The following MTHFD2L variants were observed in gnomAD, a reference collection of about 807,000 sequenced individuals.
The protein encoded by MTHFD2L is bifunctional methylenetetrahydrofolate dehydrogenase/cyclohydrolase 2, mitochondrial.
MTHFD2L carries 29 observed loss-of-function variants against 34.9 expected under a neutral mutation model. That is an observed-to-expected ratio of 0.83 (90% confidence interval 0.62 to 1.13). MTHFD2L has a LOEUF of 1.13. Ranked by LOEUF, MTHFD2L falls within the 50% of genes most tolerant of loss-of-function variation. The pLI is 0.00. For synonymous variants in MTHFD2L, 167 were observed against 155.7 expected (o/e 1.07, Z -0.54); for missense variants, 481 against 446.5 (o/e 1.08, Z -0.70).
At chr4:74,229,004 TC>T (rs1297893635) in intron 6 of MTHFD2L, among the ~76,000 whole-genome samples, 4 of 152,206 alleles carry the variant, frequency 2.6e-5, no homozygotes, top group African/African-American at 9.6e-5. Flanking sequence ...GAAGTCCTGT[TC>T]CTTGCTTTTT....
At chr4:74,248,421 CA>C (rs1274810853) in intron 6 of MTHFD2L, among the ~76,000 whole-genome samples, 1 of 151,966 alleles carries the variant, frequency 6.6e-6, no homozygotes, top group African/African-American at 2.4e-5. Context: ...TTGATCCTTT[CA>C]AAAAACCAGC....
chr4:74,281,321 A>G lies in MTHFD2L; in HGVS notation c.806-104A>G, dbSNP rs1357885829. The G allele has an allele frequency of 5.4e-5, 39 of 722,972 alleles. No homozygotes were observed. The East Asian group carries it at 1.1e-3, about 21-fold the overall frequency. 44.8% of individuals were successfully genotyped at this position (722,972 alleles called of 1,614,324 possible). The stretch of plus-strand genomic sequence containing the variant: ...TTTTTTAAGGAACAATGTATTACAC[A>G]TACGTGTGTGTGTGTGTGTGTGTGT... On this transcript the variant is annotated intron_variant, in intron 6 of 7. Transcript: ENST00000325278.
At chr4:74,283,263 C>G (rs545756891) in intron 7 of MTHFD2L, among the ~76,000 whole-genome samples, 1 of 152,234 alleles carries the variant, frequency 6.6e-6, no homozygotes, top group South Asian at 2.1e-4. Context: ...CACTTCCATG[C>G]TTTCTTCTTT....
chr4:74,197,175 A>G (rs1733628828), intron 3 of MTHFD2L, among the ~76,000 whole-genome samples: 1 of 152,130 alleles, frequency 6.6e-6, no homozygotes, highest in Non-Finnish European at 1.5e-5. Context: ...AAGATATTAA[A>G]TGGTTGGTTG....
chr4:74,188,488 C>T lies in MTHFD2L; in HGVS notation c.452-11306C>T, dbSNP rs115225671. Among the ~76,000 whole-genome samples, 537 of 152,234 alleles carry T rather than the reference C, an allele frequency of 3.5e-3. 8 individuals carry two copies. The highest frequency in any genetic ancestry group is 0.027 in the South Asian group (130 of 4,824). ...GCCTCAGAAGTCCTATCTCTAAATA[C>T]AATCACATTAAGTGTTACAGCTTTA... On this transcript the variant is annotated intron_variant, in intron 3 of 7. Coordinates refer to ENST00000325278, the MANE Select transcript of MTHFD2L (RefSeq NM_001144978.3).
At chr4:74,246,572 G>A (rs1039026565) in intron 6 of MTHFD2L, among the ~76,000 whole-genome samples, 1 of 152,140 alleles carries the variant, frequency 6.6e-6, no homozygotes, top group Admixed American at 6.5e-5. Context: ...GTCCTGAATG[G>A]TAATGCCTAG....
chr4:74,239,340 TG>T (rs1741346660), intron 6 of MTHFD2L, among the ~76,000 whole-genome samples: 1 of 151,848 alleles, frequency 6.6e-6, no homozygotes, highest in African/African-American at 2.4e-5. Context: ...TGTCGTAGTT[TG>T]GGGGGGCAGA....
intron 6 of MTHFD2L, among the ~76,000 whole-genome samples, chr4:74,249,896 T>G (rs10017417): frequency 6.6e-6 from 1 of 151,964 alleles, no homozygotes; most frequent in Non-Finnish European, 1.5e-5. Context: ...CGACCTTTCT[T>G]TCTGGCTGCC....
chr4:74,282,679 C>T lies in MTHFD2L; in HGVS notation c.931+1129C>T, dbSNP rs1195941090. On this transcript the variant is annotated intron_variant, in intron 7 of 7. Transcript: ENST00000325278. ...GTAAGGACACATATGTGCAACAATG[C>T]GTTCTAGAGACAAAATGGTGTAAAT... Among the ~76,000 whole-genome samples, 48 of 152,072 alleles carry T rather than the reference C, an allele frequency of 3.2e-4. 1 individual carries two copies. The highest frequency in any genetic ancestry group is 3.0e-3 in the Admixed American group (45 of 15,246).
chr4:74,122,580 G>T (rs372500485), upstream of MTHFD2L, among the ~76,000 whole-genome samples: 7 of 152,094 alleles, frequency 4.6e-5, no homozygotes, highest in African/African-American at 1.7e-4. Flanking sequence ...GTACTGAGAG[G>T]TACACAACAG....
At chr4:74,265,447 A>G (rs1420599671) in intron 6 of MTHFD2L, among the ~76,000 whole-genome samples, 1 of 152,046 alleles carries the variant, frequency 6.6e-6, no homozygotes, top group East Asian at 1.9e-4. Flanking sequence ...ACTGTGGCAT[A>G]CTCTCAGTGT....
chr4:74,268,232 A>G, intron 6 of MTHFD2L: 2 of 982,890 alleles, frequency 2.0e-6, no homozygotes, highest in Non-Finnish European at 2.4e-6. Context: ...TTTAGCCATT[A>G]TATTACTGTC....
In MTHFD2L at chr4:74,281,126, T is replaced by A. The variant is rs116311678; in HGVS notation, c.806-299T>A. ...GTCCGCAGTCTCCCCATGCCATTCATAGTATGTGACATACAAAAGGATGCT... is the reference window on the plus strand; with the variant it reads ...GTCCGCAGTCTCCCCATGCCATTCAAAGTATGTGACATACAAAAGGATGCT... On this transcript the variant is annotated intron_variant, in intron 6 of 7. Transcript: ENST00000325278. Among the ~76,000 whole-genome samples, 515 of 152,098 alleles carry A rather than the reference T, an allele frequency of 3.4e-3. 2 individuals carry two copies. Among genetic ancestry groups the A allele is most frequent in the African/African-American group, 0.012 (492 of 41,518 alleles).
intron 1 of MTHFD2L, among the ~76,000 whole-genome samples, chr4:74,127,302 A>G (rs1722151640): frequency 6.6e-6 from 1 of 152,168 alleles, no homozygotes; most frequent in Admixed American, 6.6e-5. Context: ...TGAAATGTAC[A>G]ATAGATTGAC....
Position 74,302,937 on chromosome 4 carries a change from C to A in MTHFD2L, c.*1128C>A, listed in dbSNP as rs1750479978. 6.6e-6 allele frequency: 1 copy of A among 152,098 alleles called. No individual in the cohort carries two copies. The highest frequency in any genetic ancestry group is 1.5e-5 in the Non-Finnish European group (1 of 67,992). The allele number at this position is 152,098 out of a possible 1,614,324, so 9.4% of individuals were successfully genotyped here. The stretch of plus-strand genomic sequence containing the variant: ...AGACTGCTAAAGCTATTAATTGATA[C>A]TGTGTTTTTATGCCCAAATCCCAGT... On this transcript the variant is annotated 3_prime_UTR_variant, in exon 8 of 8. Transcript: ENST00000325278.
intron 6 of MTHFD2L, among the ~76,000 whole-genome samples, chr4:74,258,803 A>G (rs748762401): frequency 5.3e-5 from 8 of 152,228 alleles, no homozygotes; most frequent in Non-Finnish European, 8.8e-5. Flanking sequence ...TATGAACATA[A>G]GTATCAGTGC....
At chr4:74,208,118 C>T (rs1735669693) in intron 5 of MTHFD2L, among the ~76,000 whole-genome samples, 1 of 152,108 alleles carries the variant, frequency 6.6e-6, no homozygotes. Flanking sequence ...CCCACTACCC[C>T]CAGCTTAGAA....
chr4:74,225,407 T>C lies in MTHFD2L; in HGVS notation c.805+13T>C, dbSNP rs369556019. The C allele has an allele frequency of 2.1e-5, 34 of 1,602,532 alleles. No homozygotes were observed. The highest frequency in any genetic ancestry group is 2.7e-5 in the Non-Finnish European group (32 of 1,171,460). ...ATAGTTGCTGCAGGTAAGTCCTTAG[T>C]GACTGTTATTTTTTGGAATGTCATC... On this transcript the variant is annotated intron_variant, in intron 6 of 7. Transcript: ENST00000325278.
Position 74,201,363 on chromosome 4 carries a change from G to A in MTHFD2L, c.705G>A (p.Arg235=), listed in dbSNP as rs763766310. 2 of 1,612,242 alleles carry A rather than the reference G, an allele frequency of 1.2e-6. No homozygotes were observed. Among genetic ancestry groups the A allele is most frequent in the South Asian group, 1.1e-5 (1 of 90,850 alleles). ...TACACACTGATGGAGAGCATGAACG[G>A]CCAGGAGGTAGGTAGAACCTTGCAG... ...MLLHTDGEHE[R]PGGDATVTIA... Residue 235 remains arginine (R), a synonymous_variant, in exon 5 of 8, where the codon CGG becomes CGA. Coordinates refer to ENST00000325278, the MANE Select transcript of MTHFD2L (RefSeq NM_001144978.3).
Sources: allele counts gnomAD v4.1 joint callset (sites outside exome capture counted in the v4.1 genomes callset), GRCh38; gene constraint gnomAD v4.1.1; transcripts MANE v1.5; gene names NCBI Gene and HGNC (gene_info 2026-07-23, HGNC 2026-07-21).